ADAMTSL1: variants seen among roughly 807,000 people sequenced by gnomAD.
ADAMTSL1 encodes ADAMTS-like protein 1.
ADAMTSL1 carries 126 observed loss-of-function variants against 201.8 expected under a neutral mutation model. The observed-to-expected ratio is 0.62, with a 90% CI of 0.54 to 0.72. The LOEUF (loss-of-function observed/expected upper bound fraction) is 0.72, where lower values mean the gene tolerates loss of function less well. Among genes scored for constraint, ADAMTSL1 ranks in the 30% least tolerant of loss-of-function variants. The pLI is 0.00. For synonymous variants in ADAMTSL1, 1,121 were observed against 903.4 expected, an observed-to-expected ratio of 1.24 and a Z score of -4.32; for missense variants, 2,679 against 2,277.8, an observed-to-expected ratio of 1.18 and a Z score of -3.59.
chr9:18,670,129 C>G (rs569111990), intron 9 of ADAMTSL1, among the ~76,000 whole-genome samples: 1 of 152,280 alleles, frequency 6.6e-6, no homozygotes, highest in South Asian at 2.1e-4. Context: ...ACAAGAGACC[C>G]TTCTACTACA....
At chr9:18,655,868 A>T (rs921022454) in intron 7 of ADAMTSL1, among the ~76,000 whole-genome samples, 1 of 149,642 alleles carries the variant, frequency 6.7e-6, no homozygotes, top group Admixed American at 6.6e-5. Flanking sequence ...TTAATACTAC[A>T]TCCCTAAGCA....
intron 2 of ADAMTSL1, among the ~76,000 whole-genome samples, chr9:18,453,749 T>C (rs1039260444): frequency 6.6e-6 from 1 of 152,108 alleles, no homozygotes; most frequent in East Asian, 1.9e-4. Context: ...CACTTATAAG[T>C]GGTTGATTAG....
intron 16 of ADAMTSL1, among the ~76,000 whole-genome samples, chr9:18,766,062 A>C (rs1588069219): frequency 1.3e-5 from 2 of 152,198 alleles, no homozygotes; most frequent in Non-Finnish European, 2.9e-5. Flanking sequence ...AACAAAAAAA[A>C]AGTCTGGCTG....
At chr9:18,280,271 G>A (rs903520654) in intron 2 of ADAMTSL1, among the ~76,000 whole-genome samples, 1 of 152,088 alleles carries the variant, frequency 6.6e-6, no homozygotes, top group South Asian at 2.1e-4. Context: ...GGCTGCAGGG[G>A]CTTGCTTGGC....
intron 5 of ADAMTSL1, among the ~76,000 whole-genome samples, chr9:18,632,263 AATAC>A (rs1296650410): frequency 7.2e-5 from 11 of 152,254 alleles, no homozygotes; most frequent in African/African-American, 2.7e-4. Context: ...GACAATTATT[AATAC>A]ATAAACAACT....
Position 17,941,622 on chromosome 9 carries a change from C to G in ADAMTSL1, c.87+34700C>G, listed in dbSNP as rs572464816. On this transcript the variant is annotated intron_variant, in intron 1 of 29. Transcript: ENST00000680146. ...CTGTCAGGCCTCATTTTTCAAAGAG[C>G]TTTTGAGTATAGAGTCGGGGCAATA... 4.6e-5 allele frequency among the ~76,000 whole-genome samples: 7 copies of G among 152,144 alleles called. No homozygotes were observed. The East Asian group carries it at 9.7e-4, about 21-fold the overall frequency.
intron 1 of ADAMTSL1, among the ~76,000 whole-genome samples, chr9:17,939,893 C>T (rs1006960505): frequency 6.6e-6 from 1 of 152,002 alleles, no homozygotes; most frequent in African/African-American, 2.4e-5. Flanking sequence ...GCAAAAGAGT[C>T]AGTTAAGGAA....
intron 4 of ADAMTSL1, among the ~76,000 whole-genome samples, chr9:18,605,136 C>G (rs996896008): frequency 1.3e-5 from 2 of 152,154 alleles, no homozygotes; most frequent in African/African-American, 4.8e-5. Flanking sequence ...TGCTCCCAAG[C>G]TCAGAAAATA....
chr9:18,862,947 G>A (rs548135680), intron 23 of ADAMTSL1, among the ~76,000 whole-genome samples: 81 of 152,296 alleles, frequency 5.3e-4, no homozygotes, highest in African/African-American at 1.9e-3. Context: ...GGACTTATGG[G>A]AACCCTGTGT....
At chr9:18,620,119 C>A (rs1272753163) in intron 4 of ADAMTSL1, among the ~76,000 whole-genome samples, 1 of 149,856 alleles carries the variant, frequency 6.7e-6, no homozygotes. Context: ...TCATGTGACA[C>A]CTCCCTTCCA....
chr9:18,892,535 T>TGGACACCCAG lies in ADAMTSL1; in HGVS notation c.4792_4801dup (p.Ala1601GlyfsTer6). 6.3e-7 allele frequency: 1 copy of TGGACACCCAG among 1,587,146 alleles called. No individual in the cohort carries two copies. Among genetic ancestry groups the TGGACACCCAG allele is most frequent in the Non-Finnish European group, 8.6e-7 (1 of 1,166,730 alleles). On this transcript the variant is annotated frameshift_variant, in exon 26 of 29. Transcript: ENST00000380548. LOFTEE classifies it high-confidence loss of function. ...TGCACCCAGGTCGCCAAGCGGCCTG[T>TGGACACCCAG]GGACACCCAGGCCTGTAACCAGCAG...
chr9:18,541,755 C>T (rs111827317), intron 3 of ADAMTSL1, among the ~76,000 whole-genome samples: 2 of 151,996 alleles, frequency 1.3e-5, no homozygotes, highest in African/African-American at 2.4e-5. Context: ...TATGTACAAA[C>T]AGAAAATGTT....
intron 2 of ADAMTSL1, among the ~76,000 whole-genome samples, chr9:18,275,430 C>A (rs760627477): frequency 4.1e-4 from 63 of 152,018 alleles, no homozygotes; most frequent in Non-Finnish European, 6.9e-4. Flanking sequence ...AATAGTCATC[C>A]AACTATCACC....
intron 23 of ADAMTSL1, among the ~76,000 whole-genome samples, chr9:18,847,139 G>T (rs947167264): frequency 6.6e-6 from 1 of 152,298 alleles, no homozygotes; most frequent in East Asian, 1.9e-4. Context: ...GCTCAGAAGT[G>T]TTAGGACAGA....
At chr9:18,028,846 T>C (rs1018097151) in intron 1 of ADAMTSL1, among the ~76,000 whole-genome samples, 1 of 152,194 alleles carries the variant, frequency 6.6e-6, no homozygotes, top group Admixed American at 6.5e-5. Context: ...ATAAATTACC[T>C]TGGGCAGTAT....
rs2132674013 is a variant in ADAMTSL1, at chr9:18,622,223, A to G, written c.475-20A>G. The G allele has an allele frequency of 1.2e-6, 2 of 1,612,438 alleles. No homozygotes were observed. The highest frequency in any genetic ancestry group is 1.7e-4 in the Middle Eastern group (1 of 6,044). ...ATCGGTAGGTGCTTGGTTGAATTACACATCTCTCTTTCTTGTTAGATTGTT... is the reference window on the plus strand; with the variant it reads ...ATCGGTAGGTGCTTGGTTGAATTACGCATCTCTCTTTCTTGTTAGATTGTT... On this transcript the variant is annotated intron_variant, in intron 4 of 28. Transcript: ENST00000380548.
chr9:18,864,992 A>AT (rs879647241), intron 23 of ADAMTSL1, among the ~76,000 whole-genome samples: 5 of 151,054 alleles, frequency 3.3e-5, no homozygotes, highest in African/African-American at 9.7e-5. Flanking sequence ...TCAATCACAC[A>AT]TTTTTTTTCT....
At chr9:18,194,305 G>A (rs1224520628) in intron 2 of ADAMTSL1, among the ~76,000 whole-genome samples, 1 of 152,016 alleles carries the variant, frequency 6.6e-6, no homozygotes, top group African/African-American at 2.4e-5. Context: ...CAGGCAGAAA[G>A]GAAGACACCA....
chr9:18,406,837 T>A (rs1479858820), intron 2 of ADAMTSL1, among the ~76,000 whole-genome samples: 1 of 152,208 alleles, frequency 6.6e-6, no homozygotes, highest in Non-Finnish European at 1.5e-5. Flanking sequence ...GGTCTGACAT[T>A]TAACAAATGT....
Sources: allele counts gnomAD v4.1 joint callset (sites outside exome capture counted in the v4.1 genomes callset), GRCh38; gene constraint gnomAD v4.1.1; transcripts MANE v1.5; gene names NCBI Gene and HGNC (gene_info 2026-07-23, HGNC 2026-07-21).